SYTL2: variants seen among roughly 807,000 people sequenced by gnomAD.
SYTL2 encodes the protein synaptotagmin like 2.
In SYTL2, 165 loss-of-function variants were observed where a neutral mutation model predicts 198.7. That is an observed-to-expected ratio of 0.83 (90% CI 0.73 to 0.94). The LOEUF is 0.94. SYTL2 is among the 40% of genes least tolerant of loss of function. SYTL2 has a pLI of 0.00. For synonymous variants in SYTL2, 966 were observed against 917.7 expected, an observed-to-expected ratio of 1.05 and a Z score of -0.95; for missense variants, 2,835 against 2,582.8, an observed-to-expected ratio of 1.10 and a Z score of -2.12.
rs188240250 is a variant in SYTL2, at chr11:85,720,887, C to T, written c.5399G>A (p.Ser1800Asn). 60 of 1,613,324 alleles carry T rather than the reference C, an allele frequency of 3.7e-5. No individual in the cohort carries two copies. In the East Asian group the frequency reaches 1.2e-3, roughly 32 times the overall value. Residue 1800 changes from serine (S) to asparagine (N), a missense_variant, in exon 9 of 20, where the codon AGT (serine) becomes AAT (asparagine). Coordinates refer to ENST00000359152, the MANE Select transcript of SYTL2 (RefSeq NM_206927.4). Reference sequence around the variant, plus strand: ...TGAATCTGATGAAATGTCTTCTAGACTTTTGGAAGGCATTTTCCTAGCGGC... The same window carrying T: ...TGAATCTGATGAAATGTCTTCTAGATTTTTGGAAGGCATTTTCCTAGCGGC... ...RSAARKMPSK[S>N]LEDISSDSSN...
At chr11:85,805,341 C>A (rs867812200) in intron 1 of SYTL2, among the ~76,000 whole-genome samples, 2,166 of 145,992 alleles carry the variant, frequency 0.015, 67 homozygotes, top group African/African-American at 0.053. Flanking sequence ...AAAAAAAAAA[C>A]AAAAAAACTG....
chr11:85,742,409 T>C (rs1463089494), intron 4 of SYTL2, among the ~76,000 whole-genome samples: 1 of 152,196 alleles, frequency 6.6e-6, no homozygotes, highest in African/African-American at 2.4e-5. Context: ...GGATGAGTCT[T>C]CATTCTGTAC....
intron 9 of SYTL2, among the ~76,000 whole-genome samples, chr11:85,720,524 T>C (rs1489505992): frequency 2.0e-5 from 3 of 152,202 alleles, no homozygotes; most frequent in African/African-American, 7.2e-5. Context: ...CAAATAATAT[T>C]CAATAAATGC....
chr11:85,851,080 G>GA, the SYTL2 span, among the ~76,000 whole-genome samples: 1 of 151,442 alleles, frequency 6.6e-6, no homozygotes, highest in African/African-American at 2.4e-5. Flanking sequence ...AATGCTAGAT[G>GA]ACGAGTTAGT....
At chr11:85,756,292 T>G (rs1220499861) in intron 2 of SYTL2, among the ~76,000 whole-genome samples, 1 of 152,258 alleles carries the variant, frequency 6.6e-6, no homozygotes, top group East Asian at 1.9e-4. Flanking sequence ...CCCATCCAGG[T>G]GTGCATTGCA....
At chr11:85,839,153 C>T in the SYTL2 span, among the ~76,000 whole-genome samples, 1 of 152,126 alleles carries the variant, frequency 6.6e-6, no homozygotes, top group Non-Finnish European at 1.5e-5. Flanking sequence ...AAATAAATGC[C>T]ACTTTACCTC....
intron 1 of SYTL2, among the ~76,000 whole-genome samples, chr11:85,760,205 C>A (rs1331072570): frequency 6.6e-6 from 1 of 152,160 alleles, no homozygotes; most frequent in Non-Finnish European, 1.5e-5. Context: ...AAGGACAGAC[C>A]TGAACCTGAC....
intron 4 of SYTL2, among the ~76,000 whole-genome samples, chr11:85,745,219 A>G (rs1054040784): frequency 2.0e-5 from 3 of 152,136 alleles, no homozygotes; most frequent in African/African-American, 4.8e-5. Flanking sequence ...ATTCACATCT[A>G]TCTGGTTCTT....
chr11:85,725,995 G>T lies in SYTL2; in HGVS notation c.3363C>A (p.Thr1121=). ...CTTTGCAGTCTTTAGACAAAACATT[G>T]GTTTTTATTATGGATTCTTGAATCT... is the stretch of plus-strand genomic sequence containing the variant. ...EQEIQESIIK[T]NVLSKDCKDT... Residue 1121 remains threonine, a synonymous_variant, in exon 8 of 20, where the codon ACC becomes ACA. Transcript: ENST00000359152. The T allele has an allele frequency of 6.2e-7, 1 of 1,613,686 alleles. No individual in the cohort carries two copies. Among genetic ancestry groups the T allele is most frequent in the South Asian group, 1.1e-5 (1 of 90,904 alleles).
At chr11:85,787,695 C>CCTTTTTTTTTTTTTTTT (rs1566023900) in intron 1 of SYTL2, among the ~76,000 whole-genome samples, 4 of 102,694 alleles carry the variant, frequency 3.9e-5, no homozygotes, top group Non-Finnish European at 8.0e-5. Flanking sequence ...GTTTTTTTTT[C>CCTTTTTTTTTTTTTTTT]TTTTCCTTTT....
At chr11:85,823,472 G>A in the SYTL2 span, among the ~76,000 whole-genome samples, 1 of 152,096 alleles carries the variant, frequency 6.6e-6, no homozygotes. Context: ...AATAGCATGT[G>A]GACTTGAAAG....
At chr11:85,787,538 G>A (rs2092654785) in intron 1 of SYTL2, among the ~76,000 whole-genome samples, 1 of 152,048 alleles carries the variant, frequency 6.6e-6, no homozygotes, top group African/African-American at 2.4e-5. Context: ...TGGAGTAAAT[G>A]GGAAGAGACA....
the SYTL2 span, among the ~76,000 whole-genome samples, chr11:85,839,371 T>C: frequency 3.9e-5 from 6 of 152,298 alleles, 1 homozygote; most frequent in South Asian, 1.2e-3. Flanking sequence ...CCAGGCTTTC[T>C]CAATTTCACC....
chr11:85,731,911 A>T (rs1003580063), intron 7 of SYTL2, among the ~76,000 whole-genome samples: 9 of 152,244 alleles, frequency 5.9e-5, no homozygotes, highest in African/African-American at 1.7e-4. Context: ...AAGAAAAAAC[A>T]ACCCCATTAA....
chr11:85,759,686 A>T (rs2092036891), intron 1 of SYTL2, among the ~76,000 whole-genome samples: 1 of 152,190 alleles, frequency 6.6e-6, no homozygotes, highest in African/African-American at 2.4e-5. Context: ...TTGACAGGGA[A>T]TCTAATGACC....
In SYTL2 at chr11:85,736,547, T is replaced by C. The variant is rs763963304; in HGVS notation, c.540A>G (p.Glu180=). 6.2e-7 allele frequency: 1 copy of C among 1,607,968 alleles called. No individual in the cohort carries two copies. The highest frequency in any genetic ancestry group is 2.2e-5 in the East Asian group (1 of 44,732). The change falls in exon 6 of 20, where the codon GAA becomes GAG. Residue 180 remains glutamate, a synonymous_variant. Coordinates refer to ENST00000359152, the MANE Select transcript of SYTL2 (RefSeq NM_206927.4). ...EGHSSQQTKN[E]QSKNGRTGLF... is the part of the protein sequence containing the mutation. ...AACCAGTTCTTCCATTTTTTGACTGTTCATTTTTAGTTTGTTGTGATGAGT... is the reference window on the plus strand; with the variant it reads ...AACCAGTTCTTCCATTTTTTGACTGCTCATTTTTAGTTTGTTGTGATGAGT...
chr11:85,709,171 A>T (rs1035192806), intron 14 of SYTL2, among the ~76,000 whole-genome samples, 160 bp downstream of exon 14: 1 of 152,108 alleles, frequency 6.6e-6, no homozygotes, highest in Non-Finnish European at 1.5e-5. Context: ...AATGTTTGAC[A>T]TATGAATTTA....
chr11:85,813,865 A>G, upstream of SYTL2, among the ~76,000 whole-genome samples: 1 of 152,056 alleles, frequency 6.6e-6, no homozygotes, highest in Non-Finnish European at 1.5e-5. Context: ...TGGGACTACA[A>G]GCACACACCA....
intron 3 of SYTL2, among the ~76,000 whole-genome samples, chr11:85,747,385 C>T (rs2091226609): frequency 6.6e-6 from 1 of 152,014 alleles, no homozygotes; most frequent in Non-Finnish European, 1.5e-5. Flanking sequence ...GCTACAAGCC[C>T]ATCTGGGGTG....
Sources: allele counts gnomAD v4.1 joint callset (sites outside exome capture counted in the v4.1 genomes callset), GRCh38; gene constraint gnomAD v4.1.1; transcripts MANE v1.5; gene names NCBI Gene and HGNC (gene_info 2026-07-23, HGNC 2026-07-21).